ANTXRL: variants seen among roughly 807,000 people sequenced by gnomAD.
ANTXRL encodes anthrax toxin receptor-like.
Under a neutral mutation model 75.4 loss-of-function variants are expected in ANTXRL, and 63 were observed. The ratio of observed to expected loss-of-function variants is 0.84; its 90% confidence interval spans 0.68 to 1.03. ANTXRL has a LOEUF of 1.03. ANTXRL is among the 50% of genes least tolerant of loss of function. The probability of loss-of-function intolerance (pLI) is 0.00; values close to 1 mark genes in which losing one functional copy is unlikely to be tolerated. For synonymous variants in ANTXRL, 335 were observed against 291.3 expected, an observed-to-expected ratio of 1.15 and a Z score of -1.53; for missense variants, 797 against 789.4, an observed-to-expected ratio of 1.01 and a Z score of -0.12.
intron 16 of ANTXRL, among the ~76,000 whole-genome samples, chr10:46,319,675 C>T (rs1393208607): frequency 9.9e-5 from 15 of 152,050 alleles, no homozygotes; most frequent in African/African-American, 3.1e-4. Flanking sequence ...CCTGGTAACA[C>T]AAGCATGATA....
At chr10:46,322,706 C>A (rs1343860857) in intron 16 of ANTXRL, among the ~76,000 whole-genome samples, 1 of 152,148 alleles carries the variant, frequency 6.6e-6, no homozygotes, top group African/African-American at 2.4e-5. Flanking sequence ...GCCATCTGAG[C>A]CCTCTGTGAG....
At position 46,296,108 on chromosome 10, in the gene ANTXRL, C is replaced by A. The variant is rs1157766561; in HGVS notation, c.474+8C>A. ...CAGGCAGGATTTAGAAAGGTATAGA[C>A]CCCTTGATCTCCTAACCCTAACCCT... On this transcript the variant is annotated splice_region_variant and intron_variant, in intron 4 of 16. Transcript: ENST00000620264. The A allele has an allele frequency of 2.0e-6, 3 of 1,535,530 alleles. No homozygotes were observed. The highest frequency in any genetic ancestry group is 2.7e-5 in the African/African-American group (2 of 72,944).
At position 46,301,965 on chromosome 10, in the gene ANTXRL, G is replaced by A. The variant is rs573093363; in HGVS notation, c.797-757G>A. On this transcript the variant is annotated intron_variant, in intron 9 of 16. Coordinates refer to ENST00000620264, the MANE Select transcript of ANTXRL (RefSeq NM_001278688.3). Reference sequence around the variant, plus strand: ...CTGGGTCCAGCCGTCACCTGCATGTGTCCCCTGTGGTCTTTGGGTCAGGGC... The same window carrying A: ...CTGGGTCCAGCCGTCACCTGCATGTATCCCCTGTGGTCTTTGGGTCAGGGC... 9.8e-5 allele frequency among the ~76,000 whole-genome samples: 15 copies of A among 152,316 alleles called. No individual in the cohort carries two copies. The East Asian group carries it at 2.9e-3, about 29-fold the overall frequency.
Position 46,329,548 on chromosome 10 carries a change from C to T in ANTXRL, c.1411-51C>T, listed in dbSNP as rs372097840. ...AGCCAGGCAACCGCAGCCTTCTGAG[C>T]CCAGTTCGAATGCCATCACGGTGAC... On this transcript the variant is annotated intron_variant, in intron 16 of 16. Coordinates refer to ENST00000620264, the MANE Select transcript of ANTXRL (RefSeq NM_001278688.3). 7.9e-6 allele frequency: 12 copies of T among 1,512,944 alleles called. No individual in the cohort carries two copies. The African/African-American group carries it at 1.1e-4, about 14-fold the overall frequency. The allele number at this position is 1,512,944 out of a possible 1,614,324, so 93.7% of individuals were successfully genotyped here.
chr10:46,313,312 A>G lies in ANTXRL; in HGVS notation c.1406A>G (p.Asp469Gly). Residue 469 changes from aspartate to glycine, a missense_variant, in exon 16 of 17, where the codon GAC (aspartate) becomes GGC (glycine). Physicochemically the swap from Asp to Gly is moderately conservative, Grantham distance 94. Around this residue, in one of 3 missense-constraint regions of ANTXRL, gnomAD observed 479 missense variants for 422.0 expected, o/e 1.14. Coordinates refer to ENST00000620264, the MANE Select transcript of ANTXRL (RefSeq NM_001278688.3). ...CCATGGATGTGTTGTCAGAGCAGGG[A>G]CCAGGTGAGCTAGGGCACAGGGACA... ...QVPWMCCQSR[D>G]QGRYLSLALA... 16 of 1,535,848 alleles carry G rather than the reference A, an allele frequency of 1.0e-5. No homozygotes were observed. Among genetic ancestry groups the G allele is most frequent in the Non-Finnish European group, 1.4e-5 (16 of 1,146,692 alleles).
At position 46,312,401 on chromosome 10, in the gene ANTXRL, G is replaced by A. The variant is rs1410894424; in HGVS notation, c.1329+736G>A. On this transcript the variant is annotated intron_variant, in intron 15 of 16. Transcript: ENST00000620264. ...AGGGGAACCCTGCCAGACAGCAGCA[G>A]GGGACCCTGCACAGGGGTAGAGAGG... is the stretch of plus-strand genomic sequence containing the variant. Among the ~76,000 whole-genome samples, 16 of 146,986 alleles carry A rather than the reference G, an allele frequency of 1.1e-4. 3 individuals are homozygous for A. Among genetic ancestry groups the A allele is most frequent in the Non-Finnish European group, 2.4e-4 (16 of 65,700 alleles).
chr10:46,310,098 T>C (rs560497025), intron 13 of ANTXRL, among the ~76,000 whole-genome samples: 15 of 152,196 alleles, frequency 9.9e-5, no homozygotes, highest in Non-Finnish European at 1.5e-5. Flanking sequence ...AGGGCTCCTG[T>C]AGACAGACAG....
chr10:46,312,300 A>T (rs1325010590), intron 15 of ANTXRL, among the ~76,000 whole-genome samples: 1 of 149,742 alleles, frequency 6.7e-6, no homozygotes, highest in Non-Finnish European at 1.5e-5. Flanking sequence ...CAGGAGCTTG[A>T]GCCCCGGAGC....
At chr10:46,307,310 TG>T in intron 11 of ANTXRL, 91 bp from the exon 12 acceptor site, 1 of 922,534 alleles carries the variant, frequency 1.1e-6, no homozygotes, top group Admixed American at 2.0e-5. Context: ...TGCAAGTGTT[TG>T]GGGAATGACC....
At chr10:46,308,330 C>T (rs1411665602) in intron 12 of ANTXRL, 12 of 392,686 alleles carry the variant, frequency 3.1e-5, no homozygotes, top group Admixed American at 5.8e-5. Context: ...ACCTCGCCAG[C>T]GGCCTTCATG....
intron 12 of ANTXRL, among the ~76,000 whole-genome samples, chr10:46,307,682 G>A (rs1246950942): frequency 6.6e-6 from 1 of 152,116 alleles, no homozygotes; most frequent in Admixed American, 6.5e-5. Context: ...CCAGAGTCCA[G>A]CACCTCTAGG....
intron 15 of ANTXRL, among the ~76,000 whole-genome samples, chr10:46,312,876 G>T (rs562789806): frequency 3.3e-5 from 5 of 151,878 alleles, no homozygotes; most frequent in East Asian, 1.9e-4. Flanking sequence ...CAGCAGCAAG[G>T]CTCCTTCTCC....
intron 9 of ANTXRL, among the ~76,000 whole-genome samples, chr10:46,300,244 G>A (rs1204524149): frequency 2.6e-5 from 4 of 152,286 alleles, no homozygotes; most frequent in African/African-American, 9.6e-5. Flanking sequence ...CCACATGGAG[G>A]GTGACAGTCA....
rs536914341 is a variant in ANTXRL, at chr10:46,317,682, C to T, written c.1410+4366C>T. Among the ~76,000 whole-genome samples the T allele has an allele frequency of 3.9e-5, 6 of 152,124 alleles. No individual in the cohort carries two copies. In the East Asian group the frequency reaches 7.7e-4, roughly 20 times the overall value. ...CAATTACAGAGAGCCTTCCCTTCGA[C>T]TCCTCAGCACCACCCCTCCAACCCC... On this transcript the variant is annotated intron_variant, in intron 16 of 16. Transcript: ENST00000620264.
intron 16 of ANTXRL, among the ~76,000 whole-genome samples, chr10:46,322,819 C>T (rs539446398): frequency 1.3e-5 from 2 of 152,284 alleles, no homozygotes; most frequent in African/African-American, 2.4e-5. Context: ...AGAGAATTGA[C>T]TTGGATCAAT....
intron 9 of ANTXRL, among the ~76,000 whole-genome samples, chr10:46,299,984 G>A (rs568055120): frequency 1.3e-4 from 20 of 152,280 alleles, no homozygotes; most frequent in African/African-American, 4.3e-4. Flanking sequence ...GATTTAAAGC[G>A]GCTCAGCCGT....
In ANTXRL at chr10:46,313,328, C is replaced by T; in HGVS notation, c.1410+12C>T. ...AGAGCAGGGACCAGGTGAGCTAGGG[C>T]ACAGGGACACAGTTGATGGACAAAA... is the stretch of plus-strand genomic sequence containing the variant. On this transcript the variant is annotated intron_variant, in intron 16 of 16. Coordinates refer to ENST00000620264, the MANE Select transcript of ANTXRL (RefSeq NM_001278688.3). The T allele has an allele frequency of 6.5e-7, 1 of 1,535,288 alleles. No homozygotes were observed. Among genetic ancestry groups the T allele is most frequent in the Non-Finnish European group, 8.7e-7 (1 of 1,146,162 alleles).
At position 46,302,774 on chromosome 10, in the gene ANTXRL, G is replaced by T. The variant is rs782218379; in HGVS notation, c.849G>T (p.Arg283=). 345 of 1,536,294 alleles carry T rather than the reference G, an allele frequency of 2.2e-4. 4 individuals are homozygous for T. The Middle Eastern group carries it at 5.8e-3, about 26-fold the overall frequency. Residue 283 remains arginine (R), a synonymous_variant, in exon 10 of 17, where the codon CGG becomes CGT. Transcript: ENST00000620264. ...HGNGFQNLKK[R]DEVICRFIFN... ...ATGGCTTTCAGAATCTAAAGAAACG[G>T]GATGAAGTTATTTGCAGATTTATCT...
chr10:46,307,538 A>G, intron 12 of ANTXRL, 58 bp downstream of exon 12: 1 of 1,445,180 alleles, frequency 6.9e-7, no homozygotes, highest in South Asian at 1.2e-5. Context: ...CCTCTGCACT[A>G]GAAGGAGCAC....
Sources: allele counts gnomAD v4.1 joint callset (sites outside exome capture counted in the v4.1 genomes callset), GRCh38; gene constraint gnomAD v4.1.1; regional missense constraint gnomAD v4.1.1; transcripts MANE v1.5; gene names NCBI Gene and HGNC (gene_info 2026-07-23, HGNC 2026-07-21).